The following CCNG2 variants were observed in gnomAD, a reference collection of about 807,000 sequenced individuals.
CCNG2 encodes cyclin-G2.
A neutral mutation model predicts 36.5 loss-of-function variants in CCNG2; 20 were observed. The ratio of observed to expected loss-of-function variants is 0.55; its 90% confidence interval spans 0.39 to 0.80. The LOEUF (loss-of-function observed/expected upper bound fraction) is 0.80. Among genes scored for constraint, CCNG2 ranks in the 30% least tolerant of loss-of-function variants. CCNG2 has a pLI of 0.00. For synonymous variants in CCNG2, 155 were observed against 140.1 expected, an observed-to-expected ratio of 1.11 and a Z score of -0.75; for missense variants, 358 against 390.8, an observed-to-expected ratio of 0.92 and a Z score of 0.71.
At position 77,164,345 on chromosome 4, in the gene CCNG2, A is replaced by T. The variant is rs1274863827; in HGVS notation, c.777A>T (p.Glu259Asp). The change falls in exon 7 of 8, where the codon GAA (glutamate) becomes GAT (aspartate). Residue 259 changes from glutamate to aspartate, a missense_variant. Glu to Asp is a conservative substitution (Grantham distance 45, BLOSUM62 2). Transcript: ENST00000316355. ...SKCLAEYSSP[E>D]CCKPDLKKLV... Reference sequence around the variant, plus strand: ...GCCTAGCCGAGTATTCTTCTCCTGAATGTTGCAAACCAGATCTTAAGAAGT... The same window carrying T: ...GCCTAGCCGAGTATTCTTCTCCTGATTGTTGCAAACCAGATCTTAAGAAGT... 1 of 1,614,090 alleles carries T rather than the reference A, an allele frequency of 6.2e-7. No individual in the cohort carries two copies. The highest frequency in any genetic ancestry group is 1.1e-5 in the South Asian group (1 of 91,080).
Position 77,161,531 on chromosome 4 carries a change from C to T in CCNG2, c.579C>T (p.Asn193=). The part of the protein sequence containing the change: ...DKLEAQLKAC[N]CRLIFSKAKP... ...TAGAAGCTCAGCTGAAAGCTTGCAA[C>T]TGCCGACTCATCTTTTCAAAAGCAA... Residue 193 remains asparagine, a synonymous_variant, in exon 5 of 8, where the codon AAC becomes AAT. Coordinates refer to ENST00000316355, the MANE Select transcript of CCNG2 (RefSeq NM_004354.3). 1.9e-6 allele frequency: 3 copies of T among 1,612,204 alleles called. No homozygotes were observed. The highest frequency in any genetic ancestry group is 2.5e-6 in the Non-Finnish European group (3 of 1,179,234).
rs1435891124 is a variant in CCNG2 at position 77,168,163 on chromosome 4, A to G, written c.*2239A>G. ...TGGTTCTTTATGTCTTTCTCAGCGAATAATTCCATCTATTCATGTTGGAAA... is the reference window on the plus strand; with the variant it reads ...TGGTTCTTTATGTCTTTCTCAGCGAGTAATTCCATCTATTCATGTTGGAAA... On this transcript the variant is annotated 3_prime_UTR_variant, in exon 8 of 8. Coordinates refer to ENST00000316355, the MANE Select transcript of CCNG2 (RefSeq NM_004354.3). The G allele has an allele frequency of 6.6e-6, 1 of 152,214 alleles. No homozygotes were observed. Among genetic ancestry groups the G allele is most frequent in the African/African-American group, 2.4e-5 (1 of 41,458 alleles). The allele number at this position is 152,214 out of a possible 1,614,324, so 9.4% of individuals were successfully genotyped here.
Position 77,164,473 on chromosome 4 carries a change from G to A in CCNG2, c.905G>A (p.Ser302Asn), listed in dbSNP as rs1269800901. The A allele has an allele frequency of 1.2e-6, 2 of 1,613,104 alleles. No individual in the cohort carries two copies. Among genetic ancestry groups the A allele is most frequent in the Non-Finnish European group, 1.7e-6 (2 of 1,179,132 alleles). The change falls in exon 7 of 8, where the codon AGT (serine) becomes AAT (asparagine). Residue 302 changes from serine (S) to asparagine (N), a missense_variant. By Grantham distance (46) the Ser-to-Asn change is conservative. Transcript: ENST00000316355. ...TIPEGGCFDE[S>N]ESEDSCEDMS... Reference sequence around the variant, plus strand: ...CCTGAGGGGGGTTGTTTTGATGAAAGTGAAAGGTAGGCAGGTTCCTTGACT... The same window carrying A: ...CCTGAGGGGGGTTGTTTTGATGAAAATGAAAGGTAGGCAGGTTCCTTGACT...
At chr4:77,158,714 C>T (rs968220068) in intron 2 of CCNG2, 44 bp downstream of exon 2, 6 of 1,607,332 alleles carry the variant, frequency 3.7e-6, no homozygotes, top group Non-Finnish European at 5.1e-6. Flanking sequence ...GCTGATGGGG[C>T]TTGGAGGAGG....
At chr4:77,161,878 A>G in intron 6 of CCNG2, 131 bp downstream of exon 6, 1 of 618,088 alleles carries the variant, frequency 1.6e-6, no homozygotes. Context: ...TTATATCTCT[A>G]GTGTTAAAGT....
rs775445447 is a variant in CCNG2 at position 77,161,721 on chromosome 4, C to G, written c.679C>G (p.Leu227Val). 58 of 1,605,380 alleles carry G rather than the reference C, an allele frequency of 3.6e-5. 1 individual carries two copies. In the South Asian group the frequency reaches 6.1e-4, roughly 17 times the overall value. Residue 227 changes from leucine (L) to valine (V), a missense_variant, in exon 6 of 8, where the codon CTC becomes GTC. By Grantham distance (32) the Leu-to-Val change is conservative. Coordinates refer to ENST00000316355, the MANE Select transcript of CCNG2 (RefSeq NM_004354.3). ...TLKSVELLEILLLVKKHSKIN... is the reference protein window; with the variant it reads ...TLKSVELLEIVLLVKKHSKIN... ...GAAATCTGTTGAATTACTGGAAATT[C>G]TCTTGCTAGTTAAAAAACATTCCAA...
chr4:77,159,458 T>C lies in CCNG2; in HGVS notation c.230T>C (p.Phe77Ser). 6.2e-7 allele frequency: 1 copy of C among 1,613,984 alleles called. No homozygotes were observed. Among genetic ancestry groups the C allele is most frequent in the Non-Finnish European group, 8.5e-7 (1 of 1,179,948 alleles). Reference sequence around the variant, plus strand: ...TTTTTTGGATCTTGCACTGAAACTTTTGTCCTGGCTGTCAATATTTTGGAC... The same window carrying C: ...TTTTTTGGATCTTGCACTGAAACTTCTGTCCTGGCTGTCAATATTTTGGAC... ...ANFFGSCTET[F>S]VLAVNILDRF... Residue 77 changes from phenylalanine (F) to serine (S), a missense_variant, in exon 3 of 8, where the codon TTT becomes TCT. Transcript: ENST00000316355.
intron 6 of CCNG2, 81 bp from the exon 7 acceptor site, chr4:77,164,193 T>G: frequency 1.0e-6 from 1 of 968,428 alleles, no homozygotes; most frequent in Non-Finnish European, 1.6e-6. Context: ...ATATATATTT[T>G]TCATAGCTCA....
intron 7 of CCNG2, among the ~76,000 whole-genome samples, 200 bp from the exon 8 acceptor site, chr4:77,165,601 C>T (rs1195891646): frequency 6.6e-6 from 1 of 151,900 alleles, no homozygotes; most frequent in Non-Finnish European, 1.5e-5. Context: ...GCCACTGCAC[C>T]CAGTCCAAAA....
At position 77,161,618 on chromosome 4, in the gene CCNG2, A is replaced by G. The variant is rs776637257; in HGVS notation, c.607-31A>G. ...AGTTTGTATTTTGAATTTTTAAAAA[A>G]TATTTTTCTTTTTTTTCTTTTTTCT... On this transcript the variant is annotated intron_variant, in intron 5 of 7. Transcript: ENST00000316355. 11 of 1,570,226 alleles carry G rather than the reference A, an allele frequency of 7.0e-6. No individual in the cohort carries two copies. In the African/African-American group the frequency reaches 1.2e-4, roughly 18 times the overall value.
rs757745413 is a variant in CCNG2, at chr4:77,158,629, C to G, written c.97C>G (p.Pro33Ala). ...VYLEQEERFQPREKGLSLIEA... is the reference protein window; with the variant it reads ...VYLEQEERFQAREKGLSLIEA... Reference sequence around the variant, plus strand: ...CCTGGAACAAGAAGAGAGATTCCAACCTCGAGAAAAAGGGCTGAGTTTGAT... The same window carrying G: ...CCTGGAACAAGAAGAGAGATTCCAAGCTCGAGAAAAAGGGCTGAGTTTGAT... The change falls in exon 2 of 8, where the codon CCT (proline) becomes GCT (alanine). Residue 33 changes from proline to alanine, a missense_variant. Pro to Ala is a conservative substitution (Grantham distance 27). Transcript: ENST00000316355. The G allele has an allele frequency of 2.5e-6, 4 of 1,614,124 alleles. No homozygotes were observed. Among genetic ancestry groups the G allele is most frequent in the African/African-American group, 1.3e-5 (1 of 75,008 alleles).
At chr4:77,163,541 CAG>C (rs1195107294) in intron 6 of CCNG2, among the ~76,000 whole-genome samples, 3 of 152,262 alleles carry the variant, frequency 2.0e-5, no homozygotes, top group South Asian at 4.2e-4. Flanking sequence ...TTGTTTGTAA[CAG>C]ATAACTTTTT....
At chr4:77,158,486 C>T (rs1357275038) in intron 1 of CCNG2, 47 bp from the exon 2 acceptor site, 3 of 1,606,908 alleles carry the variant, frequency 1.9e-6, no homozygotes, top group East Asian at 2.2e-5. Context: ...GCTTCCCCAC[C>T]CCTCTTACCC....
chr4:77,159,602 C>A, intron 3 of CCNG2, 98 bp downstream of exon 3: 1 of 1,102,252 alleles, frequency 9.1e-7, no homozygotes, highest in Non-Finnish European at 1.3e-6. Context: ...ATAATAACGT[C>A]CACTGTACAT....
chr4:77,169,340 G>T lies in CCNG2; in HGVS notation c.*3416G>T, dbSNP rs950750518. The T allele has an allele frequency of 6.6e-6, 1 of 152,158 alleles. No individual in the cohort carries two copies. Among genetic ancestry groups the T allele is most frequent in the Non-Finnish European group, 1.5e-5 (1 of 68,014 alleles). 9.4% of individuals were successfully genotyped at this position (152,158 alleles called of 1,614,324 possible). ...GACAAGGACAAGGTATTTTGCATTTGTTACTGGAATTCAGTTTTCCTAACT... is the reference window on the plus strand; with the variant it reads ...GACAAGGACAAGGTATTTTGCATTTTTTACTGGAATTCAGTTTTCCTAACT... On this transcript the variant is annotated 3_prime_UTR_variant, in exon 8 of 8. Coordinates refer to ENST00000316355, the MANE Select transcript of CCNG2 (RefSeq NM_004354.3).
At chr4:77,164,163 T>C in intron 6 of CCNG2, 111 bp from the exon 7 acceptor site, 1 of 701,508 alleles carries the variant, frequency 1.4e-6, no homozygotes, top group South Asian at 1.9e-5. Flanking sequence ...AAGCGGGTAG[T>C]GGGAGCCAGG....
chr4:77,158,874 TTTG>T (rs1731347961), intron 2 of CCNG2, among the ~76,000 whole-genome samples: 2 of 152,240 alleles, frequency 1.3e-5, no homozygotes, highest in East Asian at 1.9e-4. Context: ...AGTGGGGTTT[TTTG>T]TTGTTGTTTT....
chr4:77,160,276 T>C (rs543029713), intron 3 of CCNG2, among the ~76,000 whole-genome samples: 8 of 151,722 alleles, frequency 5.3e-5, no homozygotes, highest in East Asian at 1.9e-4. Context: ...AATTATACTT[T>C]AGTGCTAGGA....
In CCNG2 at chr4:77,157,265, G is replaced by C. The variant is rs538390334; in HGVS notation, c.-242G>C. 6.6e-6 allele frequency: 1 copy of C among 152,524 alleles called. No individual in the cohort carries two copies. Among genetic ancestry groups the C allele is most frequent in the African/African-American group, 2.4e-5 (1 of 41,566 alleles). 9.4% of individuals were successfully genotyped at this position (152,524 alleles called of 1,614,324 possible). A position where few individuals can be genotyped will look rare whatever the true frequency, so the allele number is the denominator to read the frequency against. On this transcript the variant is annotated 5_prime_UTR_variant, in exon 1 of 8. Transcript: ENST00000316355. ...TCCGCTGAGGCGGCGGGGGTGCGGCGGTGGGCTGGTCTTCCGCGGCCGGCG... is the reference window on the plus strand; with the variant it reads ...TCCGCTGAGGCGGCGGGGGTGCGGCCGTGGGCTGGTCTTCCGCGGCCGGCG...
Sources: gnomAD v4.1 joint callset for allele counts (sites outside exome capture counted in the v4.1 genomes callset) on GRCh38, gnomAD v4.1.1 for gene constraint, MANE v1.5 for transcripts, NCBI Gene and HGNC (gene_info 2026-07-23, HGNC 2026-07-21) for gene names.